The following SPTBN5 variants were observed in gnomAD, a reference collection of about 807,000 sequenced individuals.
The protein encoded by SPTBN5 is spectrin beta, non-erythrocytic 5.
Under a neutral mutation model 477.6 loss-of-function variants are expected in SPTBN5, and 513 were observed. The ratio of observed to expected loss-of-function variants is 1.07; its 90% CI spans 1.00 to 1.16. The LOEUF (loss-of-function observed/expected upper bound fraction) is 1.16, where lower values mean the gene tolerates loss of function less well. Among genes scored for constraint, SPTBN5 ranks in the 50% most tolerant of loss-of-function variants. The pLI, the probability that SPTBN5 is intolerant of heterozygous loss-of-function variation, is 0.00. For missense variants in SPTBN5, 5,062 were observed against 4,731.8 expected, an observed-to-expected ratio of 1.07 and a Z score of -2.05; for synonymous variants, 2,169 against 2,011.7, an observed-to-expected ratio of 1.08 and a Z score of -2.09.
At position 41,887,253 on chromosome 15, in the gene SPTBN5, C is replaced by T. The variant is rs371599322; in HGVS notation, c.848G>A (p.Arg283His). The part of the protein sequence containing the change: ...YVSLYYHYCS[R>H]LHQGQTVQRR... ...CTGGACAGTCTGCCCCTGATGCAGG[C>T]GGGAGCAGTAGTGGTAGTAGAGGGA... Residue 283 changes from arginine to histidine, a missense_variant, in exon 6 of 68, where the codon CGC (arginine) becomes CAC (histidine). Coordinates refer to ENST00000320955, the MANE Select transcript of SPTBN5 (RefSeq NM_016642.4). 2.8e-5 allele frequency: 44 copies of T among 1,551,436 alleles called. No individual in the cohort carries two copies. The highest frequency in any genetic ancestry group is 1.8e-4 in the Admixed American group (9 of 51,002).
chr15:41,868,194 G>T lies in SPTBN5; in HGVS notation c.6082C>A (p.Gln2028Lys). The T allele has an allele frequency of 3.2e-6, 5 of 1,582,202 alleles. No homozygotes were observed. Among genetic ancestry groups the T allele is most frequent in the Non-Finnish European group, 4.3e-6 (5 of 1,164,232 alleles). ...TGATACACCTGGTCCCGCTGGTCCT[G>T]CAGGGCTCGAAGCTCTTCCTGGACC... ...KEVQEELRAL[Q>K]DQRDQVYQTW... Residue 2028 changes from glutamine to lysine, a missense_variant, in exon 34 of 68, where the codon CAG (glutamine) becomes AAG (lysine). Physicochemically the swap from Gln to Lys is moderately conservative, Grantham distance 53. Coordinates refer to ENST00000320955, the MANE Select transcript of SPTBN5 (RefSeq NM_016642.4).
chr15:41,851,054 C>T lies in SPTBN5; in HGVS notation c.10835+5G>A, dbSNP rs753368171. The T allele has an allele frequency of 1.2e-6, 2 of 1,610,818 alleles. No individual in the cohort carries two copies. The highest frequency in any genetic ancestry group is 1.7e-6 in the Non-Finnish European group (2 of 1,178,922). On this transcript the variant is annotated splice_donor_5th_base_variant and intron_variant, in intron 65 of 67. Transcript: ENST00000320955. ...TGATGCCGGAGTCCATGTCTCTCCG[C>T]TCACCTTAAGGAGAATGTGTGTTTC...
chr15:41,868,246 G>T (rs1284650035), intron 33 of SPTBN5, 28 bp from the exon 34 acceptor site: 13 of 1,577,366 alleles, frequency 8.2e-6, no homozygotes, highest in Non-Finnish European at 1.1e-5. Context: ...AGGAGCCTCA[G>T]CTGGGGAGGG....
rs374903994 is a variant in SPTBN5, at chr15:41,861,694, C to T, written c.7737+41G>A. 120 of 1,517,362 alleles carry T rather than the reference C, an allele frequency of 7.9e-5. No individual in the cohort carries two copies. The African/African-American group carries it at 1.4e-3, about 17-fold the overall frequency. The allele number at this position is 1,517,362 out of a possible 1,614,324, so 94.0% of individuals were successfully genotyped here. ...CTGTGGGGTCAGCGCAGGCCCTGTT[C>T]GGGGGGGCAAGATGCAGGCTGGGGA... On this transcript the variant is annotated intron_variant, in intron 45 of 67. Coordinates refer to ENST00000320955, the MANE Select transcript of SPTBN5 (RefSeq NM_016642.4).
rs114253615 is a variant in SPTBN5, at chr15:41,864,098, G to A, written c.6919-74C>T. ...CCTTCTTCCCACCTCAGCAGGCACT[G>A]AAAGCATGCCTGGGCCCCGGAGCAT... is the stretch of plus-strand genomic sequence containing the variant. On this transcript the variant is annotated intron_variant, in intron 39 of 67. Coordinates refer to ENST00000320955, the MANE Select transcript of SPTBN5 (RefSeq NM_016642.4). 803 of 1,336,138 alleles carry A rather than the reference G, an allele frequency of 6.0e-4. 4 individuals carry two copies. In the African/African-American group the frequency reaches 0.011, roughly 18 times the overall value. The allele number at this position is 1,336,138 out of a possible 1,614,324, so 82.8% of individuals were successfully genotyped here. A position where few individuals can be genotyped will look rare whatever the true frequency, so the allele number is the denominator to read the frequency against.
Position 41,858,608 on chromosome 15 carries a change from C to T in SPTBN5, c.8220G>A (p.Leu2740=), listed in dbSNP as rs2065996947. 6.2e-7 allele frequency: 1 copy of T among 1,610,668 alleles called. No individual in the cohort carries two copies. The change falls in exon 49 of 68, where the codon CTG becomes CTA. Residue 2740 remains leucine, a synonymous_variant. Coordinates refer to ENST00000320955, the MANE Select transcript of SPTBN5 (RefSeq NM_016642.4). ...CCTGCCTGCAGGGCCTCACCCGCTG[C>T]AGCTCCTGCTGTTGGTGCATGCTCG... ...LDASMHQQQE[L]QREGQRLLQG...
chr15:41,879,316 C>T lies in SPTBN5; in HGVS notation c.3126G>A (p.Gln1042=). 1 of 1,611,610 alleles carries T rather than the reference C, an allele frequency of 6.2e-7. No homozygotes were observed. Among genetic ancestry groups the T allele is most frequent in the Non-Finnish European group, 8.5e-7 (1 of 1,179,868 alleles). Residue 1042 remains glutamine (Q), a synonymous_variant, in exon 16 of 68, where the codon CAG becomes CAA. Coordinates refer to ENST00000320955, the MANE Select transcript of SPTBN5 (RefSeq NM_016642.4). ...EDTCHALQLA[Q]KKTLVLERRV... is the part of the protein sequence containing the mutation. ...TCCTCTCCAGCACCAGGGTCTTCTTCTGGGCCAGCTGCAGGGCGTGGCAGG... is the reference window on the plus strand; with the variant it reads ...TCCTCTCCAGCACCAGGGTCTTCTTTTGGGCCAGCTGCAGGGCGTGGCAGG...
rs747007227 is a variant in SPTBN5, at chr15:41,881,039, C to T, written c.2653G>A (p.Ala885Thr). Residue 885 changes from alanine to threonine, a missense_variant, in exon 13 of 68, where the codon GCA becomes ACA. Coordinates refer to ENST00000320955, the MANE Select transcript of SPTBN5 (RefSeq NM_016642.4). ...SQDYESLRAL[A>T]QLRRARLEEA... The stretch of plus-strand genomic sequence containing the variant: ...TCTTGAAAAAGAAGTGTTACCTGTG[C>T]CAGGGCCCGCAGACTCTCATAGTCC... The T allele has an allele frequency of 1.4e-5, 22 of 1,574,968 alleles. No individual in the cohort carries two copies. The African/African-American group carries it at 2.7e-4, about 19-fold the overall frequency.
Position 41,855,428 on chromosome 15 carries a change from G to C in SPTBN5, c.9219C>G (p.Ser3073Arg). The change falls in exon 55 of 68, where the codon AGC becomes AGG. Residue 3073 changes from serine to arginine, a missense_variant and splice_region_variant. By Grantham distance (110) the Ser-to-Arg change is moderately radical (BLOSUM62 -1). Coordinates refer to ENST00000320955, the MANE Select transcript of SPTBN5 (RefSeq NM_016642.4). Reference sequence around the variant, plus strand: ...CCTGCAGCTGGGCTAGCACCTTGGGGCTGTGGGAAGAGAGCGACAGTCTGG... The same window carrying C: ...CCTGCAGCTGGGCTAGCACCTTGGGCCTGTGGGAAGAGAGCGACAGTCTGG... Reference protein sequence around the residue: ...ALLESRKNPESPKVLAQLQAV... With the variant: ...ALLESRKNPERPKVLAQLQAV... 1.2e-6 allele frequency: 2 copies of C among 1,601,638 alleles called. No homozygotes were observed. The highest frequency in any genetic ancestry group is 1.7e-6 in the Non-Finnish European group (2 of 1,175,384).
intron 41 of SPTBN5, 37 bp from the exon 42 acceptor site, chr15:41,862,940 T>C: frequency 6.5e-7 from 1 of 1,537,004 alleles, no homozygotes; most frequent in Non-Finnish European, 8.8e-7. Flanking sequence ...TGCTGGGCCT[T>C]TGCTTCGGCT....
intron 67 of SPTBN5, among the ~76,000 whole-genome samples, chr15:41,849,218 G>A (rs1411360821): frequency 6.6e-6 from 1 of 152,238 alleles, no homozygotes; most frequent in Non-Finnish European, 1.5e-5. Context: ...GGAAGGGAAG[G>A]AGATGTGGGT....
In SPTBN5 at chr15:41,868,711, C is replaced by T. The variant is rs1567205455; in HGVS notation, c.5854-110G>A. 5.4e-6 allele frequency: 6 copies of T among 1,111,048 alleles called. No individual in the cohort carries two copies. The South Asian group carries it at 5.7e-5, about 11-fold the overall frequency. 68.8% of individuals were successfully genotyped at this position (1,111,048 alleles called of 1,614,324 possible). ...CTGAGTCCACTCACACAGCCCGAGC[C>T]GACCTGGGTCAGGGCCTCGGGTGAG... On this transcript the variant is annotated intron_variant, in intron 32 of 67. Transcript: ENST00000320955.
In SPTBN5 at chr15:41,874,369, C is replaced by A. The variant is rs764041992; in HGVS notation, c.4612G>T (p.Glu1538Ter). Reference sequence around the variant, plus strand: ...GTGGGGCTGCCATGGGGCATGTGCTCGGCTACCCAAGAGAGCTCCATGTTG... The same window carrying A: ...GTGGGGCTGCCATGGGGCATGTGCTAGGCTACCCAAGAGAGCTCCATGTTG... ...LSNMELSWVAEHMPHGSPTSY... is the reference protein window; with the variant it reads ...LSNMELSWVA Residue 1538 changes from glutamate (E) to a stop codon, truncating the protein, a stop_gained, in exon 24 of 68, where the codon GAG becomes TAG. Coordinates refer to ENST00000320955, the MANE Select transcript of SPTBN5 (RefSeq NM_016642.4). LOFTEE classifies it high-confidence loss of function. 1 of 1,613,836 alleles carries A rather than the reference C, an allele frequency of 6.2e-7. No homozygotes were observed.
chr15:41,867,015 C>CCCGGCTCT lies in SPTBN5; in HGVS notation c.6416_6423dup (p.Gly2142ArgfsTer12). On this transcript the variant is annotated frameshift_variant, in exon 36 of 68. Transcript: ENST00000320955. LOFTEE classifies it high-confidence loss of function. ...AGCAGGGAGGCATGCAGGGCGTGTC[C>CCCGGCTCT]CCGGCTCTCCGCCAGCTCCTTCACT... 1 of 1,559,872 alleles carries CCCGGCTCT rather than the reference C, an allele frequency of 6.4e-7. No individual in the cohort carries two copies. Among genetic ancestry groups the CCCGGCTCT allele is most frequent in the Non-Finnish European group, 8.7e-7 (1 of 1,152,426 alleles).
At chr15:41,881,329 GGCGCTGA>G in intron 12 of SPTBN5, 95 bp from the exon 13 acceptor site, 2 of 1,016,466 alleles carry the variant, frequency 2.0e-6, no homozygotes, top group Non-Finnish European at 2.9e-6. Flanking sequence ...GAGACCTGGA[GGCGCTGA>G]GCTGTAGCTC....
chr15:41,879,497 C>T lies in SPTBN5; in HGVS notation c.2945G>A (p.Trp982Ter). The T allele has an allele frequency of 1.3e-6, 2 of 1,560,622 alleles. No homozygotes were observed. The highest frequency in any genetic ancestry group is 1.4e-5 in the African/African-American group (1 of 73,832). ...QRQQEELSQR[W>*]GQLEALKREK... is the part of the protein sequence containing the mutation. ...CCTCTTCAGGGCCTCCAGCTGCCCC[C>T]ACCTGGGCAGAGGGTACAAGGTTGT... Residue 982 changes from tryptophan (W) to a stop codon, truncating the protein, a stop_gained and splice_region_variant, in exon 16 of 68, where the codon TGG becomes TAG. Coordinates refer to ENST00000320955, the MANE Select transcript of SPTBN5 (RefSeq NM_016642.4). LOFTEE classifies it high-confidence loss of function.
In SPTBN5 at chr15:41,861,831, A is replaced by C; in HGVS notation, c.7641T>G (p.Ile2547Met). 2 of 1,604,706 alleles carry C rather than the reference A, an allele frequency of 1.2e-6. No homozygotes were observed. The highest frequency in any genetic ancestry group is 1.7e-6 in the Non-Finnish European group (2 of 1,178,446). ...LTAGHPFSSD[I>M]RQVLAGLEQE... ...GTTCTAAGCCAGCCAGCACCTGGCG[A>C]ATGTCGGAGCTGAAGGGGTGCCCCG... The change falls in exon 45 of 68, where the codon ATT becomes ATG. Residue 2547 changes from isoleucine (I) to methionine (M), a missense_variant. Coordinates refer to ENST00000320955, the MANE Select transcript of SPTBN5 (RefSeq NM_016642.4).
intron 13 of SPTBN5, 76 bp from the exon 14 acceptor site, chr15:41,880,388 C>T: frequency 3.5e-6 from 5 of 1,443,070 alleles, no homozygotes; most frequent in South Asian, 2.8e-5. Context: ...CAAAGGGGTG[C>T]TCCTCCCCAT....
rs74659979 is a variant in SPTBN5, at chr15:41,852,772, G to A, written c.10348-37C>T. The A allele has an allele frequency of 5.3e-4, 846 of 1,582,930 alleles. 5 individuals are homozygous for A. In the East Asian group the frequency reaches 0.016, roughly 30 times the overall value. On this transcript the variant is annotated intron_variant, in intron 60 of 67. Transcript: ENST00000320955. ...CATGTTCAGGTGACGCCCAGCTTGG[G>A]GGGGGGGGCCCAGAGCCTGGTAGCC...
Sources: allele counts gnomAD v4.1 joint callset (sites outside exome capture counted in the v4.1 genomes callset), GRCh38; gene constraint gnomAD v4.1.1; transcripts MANE v1.5; gene names NCBI Gene and HGNC (gene_info 2026-07-23, HGNC 2026-07-21).